The following TGFA variants were observed in gnomAD, a reference collection of about 807,000 sequenced individuals.
TGFA encodes the protein protransforming growth factor alpha.
TGFA carries 12 observed loss-of-function variants against 21.7 expected under a neutral mutation model. The ratio of observed to expected loss-of-function variants is 0.55; its 90% CI spans 0.35 to 0.90. The LOEUF is 0.90. Among genes scored for constraint, TGFA ranks in the 40% least tolerant of loss-of-function variants. The probability of loss-of-function intolerance (pLI) is 0.01; values close to 1 mark genes in which losing one functional copy is unlikely to be tolerated. For synonymous variants in TGFA, 79 were observed against 88.1 expected, an observed-to-expected ratio of 0.90 and a Z score of 0.58; for missense variants, 178 against 210.8, an observed-to-expected ratio of 0.84 and a Z score of 0.96.
rs144163377 is a variant in TGFA, at chr2:70,539,706, C to T, written c.40+14022G>A. 3.3e-5 allele frequency among the ~76,000 whole-genome samples: 5 copies of T among 152,292 alleles called. No individual in the cohort carries two copies. The East Asian group carries it at 5.8e-4, about 18-fold the overall frequency. On this transcript the variant is annotated intron_variant, in intron 1 of 5. Transcript: ENST00000295400. The stretch of plus-strand genomic sequence containing the variant: ...CTGACCTCAAGTGATCTGCCCGCCT[C>T]GGCCTCCCAAAGTGCTGGGATTACA...
intron 2 of TGFA, among the ~76,000 whole-genome samples, chr2:70,470,097 G>A (rs977277782): frequency 4.6e-5 from 7 of 151,908 alleles, no homozygotes; most frequent in African/African-American, 1.5e-4. Context: ...AAGGAGGGAA[G>A]GAGACAGGAA....
intron 1 of TGFA, among the ~76,000 whole-genome samples, chr2:70,544,473 T>C (rs1673230245): frequency 6.6e-6 from 1 of 151,940 alleles, no homozygotes; most frequent in Non-Finnish European, 1.5e-5. Context: ...AAGATATAAA[T>C]ATGAAAAAAA....
intron 2 of TGFA, among the ~76,000 whole-genome samples, chr2:70,505,884 G>A (rs1048647879): frequency 2.0e-5 from 3 of 152,204 alleles, no homozygotes; most frequent in Non-Finnish European, 2.9e-5. Context: ...TAATTGGGCC[G>A]TAACTTTCAA....
chr2:70,534,845 C>T (rs185695837), intron 1 of TGFA, among the ~76,000 whole-genome samples: 5 of 152,272 alleles, frequency 3.3e-5, no homozygotes, highest in Non-Finnish European at 7.4e-5. Context: ...GTCTGTTACA[C>T]GATGGTGCTC....
chr2:70,492,871 TA>T (rs1365479653), intron 2 of TGFA, among the ~76,000 whole-genome samples: 3 of 152,012 alleles, frequency 2.0e-5, no homozygotes, highest in Non-Finnish European at 4.4e-5. Flanking sequence ...ATTCCCTGAT[TA>T]AAAAAAACTT....
intron 2 of TGFA, among the ~76,000 whole-genome samples, chr2:70,470,362 T>A (rs1356644575): frequency 1.3e-5 from 2 of 152,224 alleles, no homozygotes; most frequent in Non-Finnish European, 2.9e-5. Flanking sequence ...TCTAACTCTA[T>A]GCCTCCTGGC....
chr2:70,536,339 G>C (rs1290864230), intron 1 of TGFA, among the ~76,000 whole-genome samples: 5 of 152,214 alleles, frequency 3.3e-5, no homozygotes, highest in Non-Finnish European at 7.3e-5. Flanking sequence ...GAAGTGGTTA[G>C]ATCTGGCAGG....
intron 2 of TGFA, 39 bp downstream of exon 2, chr2:70,514,820 C>CCCACACACGAT (rs1672218248): frequency 6.2e-7 from 1 of 1,610,104 alleles, no homozygotes; most frequent in Non-Finnish European, 8.5e-7. Flanking sequence ...CCGCTCCCTT[C>CCCACACACGAT]CCACACACGA....
Position 70,450,710 on chromosome 2 carries a change from T to G in TGFA, c.*149A>C. On this transcript the variant is annotated 3_prime_UTR_variant, in exon 6 of 6. Transcript: ENST00000295400. ...GCAGACGGAGTTCTTGACAGAGTTTTGAAGGCCCACAAAAGGCTGCACAGG... is the reference window on the plus strand; with the variant it reads ...GCAGACGGAGTTCTTGACAGAGTTTGGAAGGCCCACAAAAGGCTGCACAGG... 1 of 816,402 alleles carries G rather than the reference T, an allele frequency of 1.2e-6. No individual in the cohort carries two copies. The highest frequency in any genetic ancestry group is 2.0e-6 in the Non-Finnish European group (1 of 499,408). The allele number at this position is 816,402 out of a possible 1,614,324, so 50.6% of individuals were successfully genotyped here. A position where few individuals can be genotyped will look rare whatever the true frequency, so the allele number is the denominator to read the frequency against.
At chr2:70,454,825 T>C (rs1484165509) in intron 4 of TGFA, among the ~76,000 whole-genome samples, 1 of 152,204 alleles carries the variant, frequency 6.6e-6, no homozygotes, top group African/African-American at 2.4e-5. Context: ...AGATGCTGTC[T>C]AGGCACCTAG....
intron 2 of TGFA, among the ~76,000 whole-genome samples, chr2:70,497,572 TCTC>T (rs1383748997): frequency 2.0e-5 from 3 of 152,150 alleles, no homozygotes; most frequent in Non-Finnish European, 4.4e-5. Context: ...TTGAGCATCT[TCTC>T]CTTTGGGCAC....
intron 2 of TGFA, among the ~76,000 whole-genome samples, chr2:70,489,107 C>A (rs948150590): frequency 1.3e-5 from 2 of 152,148 alleles, no homozygotes; most frequent in Non-Finnish European, 2.9e-5. Context: ...TTGGCCAAGT[C>A]CTTCCCATCC....
chr2:70,552,765 G>A (rs552821681), intron 1 of TGFA, among the ~76,000 whole-genome samples: 2 of 152,226 alleles, frequency 1.3e-5, no homozygotes, highest in African/African-American at 2.4e-5. Context: ...ACCCTGCAGC[G>A]AGCCGCATGC....
chr2:70,548,528 A>G (rs570679146), intron 1 of TGFA, among the ~76,000 whole-genome samples: 2 of 152,346 alleles, frequency 1.3e-5, no homozygotes, highest in Non-Finnish European at 1.5e-5. Context: ...AAGGGTACAA[A>G]TGCGAAGGTG....
rs1553490513 is a variant in TGFA, at chr2:70,456,341, T to C, written c.363A>G (p.Ile121Met). The C allele has an allele frequency of 6.4e-7, 1 of 1,555,334 alleles. No individual in the cohort carries two copies. The highest frequency in any genetic ancestry group is 8.7e-7 in the Non-Finnish European group (1 of 1,148,724). The part of the protein sequence containing the change: ...LAVLIITCVL[I>M]HCCQVRKHCE... ...CCTTAGGGGCAGCAAGTACTCACTG[T>C]ATCAGCACACATGTGATGATAAGGA... is the stretch of plus-strand genomic sequence containing the variant. The change falls in exon 4 of 6, where the codon ATA (isoleucine) becomes ATG (methionine). Residue 121 changes from isoleucine (I) to methionine (M), a missense_variant and splice_region_variant. Coordinates refer to ENST00000295400, the MANE Select transcript of TGFA (RefSeq NM_003236.4).
At chr2:70,552,338 CTACTACTACT>C (rs1274178692) in intron 1 of TGFA, among the ~76,000 whole-genome samples, 1 of 152,234 alleles carries the variant, frequency 6.6e-6, no homozygotes, top group African/African-American at 2.4e-5. Context: ...GCTGTTATTA[CTACTACTACT>C]TACTACTATT....
At chr2:70,460,885 A>T (rs1670386743) in intron 3 of TGFA, among the ~76,000 whole-genome samples, 1 of 152,178 alleles carries the variant, frequency 6.6e-6, no homozygotes, top group African/African-American at 2.4e-5. Flanking sequence ...CAGAGTCTAT[A>T]TCTGGGCAGA....
At chr2:70,492,244 C>T (rs1559117731) in intron 2 of TGFA, among the ~76,000 whole-genome samples, 1 of 152,186 alleles carries the variant, frequency 6.6e-6, no homozygotes, top group Non-Finnish European at 1.5e-5. Flanking sequence ...ACCCCATAAC[C>T]TATAATTGCA....
At chr2:70,481,549 C>T (rs1392516932) in intron 2 of TGFA, among the ~76,000 whole-genome samples, 2 of 152,194 alleles carry the variant, frequency 1.3e-5, no homozygotes, top group Non-Finnish European at 2.9e-5. Context: ...CTCCCCTTGA[C>T]ATCCAGCCTC....
Sources: gnomAD v4.1 joint callset for allele counts (sites outside exome capture counted in the v4.1 genomes callset) on GRCh38, gnomAD v4.1.1 for gene constraint, MANE v1.5 for transcripts, NCBI Gene and HGNC (gene_info 2026-07-23, HGNC 2026-07-21) for gene names.